The following USP7 variants were observed in gnomAD, a reference collection of about 807,000 sequenced individuals.
The protein encoded by USP7 is ubiquitin specific peptidase 7, also known as ubiquitin C-terminal hydrolase 7.
A neutral mutation model predicts 162.9 loss-of-function variants in USP7; 9 were observed. That is an observed-to-expected ratio of 0.06 (90% CI 0.03 to 0.10). USP7 has a LOEUF of 0.10. Among genes scored for constraint, USP7 ranks in the 10% least tolerant of loss-of-function variants. The probability of loss-of-function intolerance (pLI) is 1.00; values close to 1 mark genes in which losing one functional copy is unlikely to be tolerated. For missense variants in USP7, 715 were observed against 1,373.7 expected (o/e 0.52, Z 7.58); for synonymous variants, 562 against 475.9 (o/e 1.18, Z -2.35).
intron 1 of USP7, among the ~76,000 whole-genome samples, chr16:8,934,482 T>A (rs1204691669): frequency 6.6e-6 from 1 of 152,216 alleles, no homozygotes; most frequent in Non-Finnish European, 1.5e-5. Flanking sequence ...GGGAAATGCG[T>A]AAGCTCTACC....
intron 1 of USP7, among the ~76,000 whole-genome samples, chr16:8,950,686 T>C (rs1899508137): frequency 6.6e-6 from 1 of 152,200 alleles, no homozygotes; most frequent in African/African-American, 2.4e-5. Context: ...TCAGAAGCTG[T>C]ATGTGCCTGG....
chr16:8,952,876 G>A (rs1303180074), intron 1 of USP7, among the ~76,000 whole-genome samples: 5 of 150,272 alleles, frequency 3.3e-5, no homozygotes, highest in African/African-American at 7.4e-5. Flanking sequence ...TCTTGTTGTC[G>A]CCCAGGCTAG....
intron 2 of USP7, among the ~76,000 whole-genome samples, chr16:8,925,327 C>T (rs758633494): frequency 1.3e-5 from 2 of 152,186 alleles, no homozygotes; most frequent in Non-Finnish European, 2.9e-5. Flanking sequence ...TACTAGCTTG[C>T]CCGCTTTATG....
chr16:8,955,717 A>C (rs952370728), intron 1 of USP7, among the ~76,000 whole-genome samples: 27 of 151,694 alleles, frequency 1.8e-4, no homozygotes, highest in African/African-American at 6.3e-4. Flanking sequence ...AAAAAAAAAA[A>C]AAAAAAAAAC....
chr16:8,899,631 C>T lies in USP7; in HGVS notation c.2436G>A (p.Thr812=), dbSNP rs765786478. Residue 812 remains threonine (T), a synonymous_variant, in exon 22 of 31, where the codon ACG becomes ACA. Transcript: ENST00000344836. ...GAAAATAATTCATTCTATTTGATAA[C>T]GTAACCACAAATCCAGGATCATTAG... ...TIPNDPGFVV[T]LSNRMNYFQV... The T allele has an allele frequency of 1.8e-5, 29 of 1,614,074 alleles. No homozygotes were observed. Among genetic ancestry groups the T allele is most frequent in the African/African-American group, 9.3e-5 (7 of 74,940 alleles).
rs1486268665 is a variant in USP7, at chr16:8,947,752, G to A, written c.79+15455C>T. Among the ~76,000 whole-genome samples, 21 of 152,292 alleles carry A rather than the reference G, an allele frequency of 1.4e-4. No individual in the cohort carries two copies. In the South Asian group the frequency reaches 4.1e-3, roughly 30 times the overall value. ...GGTGAAGTCTTTTAGGACTTCGACAGGATCCTGCCATCAAAAACTTAGCTA... is the reference window on the plus strand; with the variant it reads ...GGTGAAGTCTTTTAGGACTTCGACAAGATCCTGCCATCAAAAACTTAGCTA... On this transcript the variant is annotated intron_variant, in intron 1 of 30. Coordinates refer to ENST00000344836, the MANE Select transcript of USP7 (RefSeq NM_003470.3).
chr16:8,933,635 A>C (rs1293941255), intron 1 of USP7, among the ~76,000 whole-genome samples: 1 of 152,086 alleles, frequency 6.6e-6, no homozygotes, highest in African/African-American at 2.4e-5. Context: ...TTTTTCCTCA[A>C]AGAGACAAGA....
At chr16:8,910,853 A>C (rs1465611963) in intron 10 of USP7, 26 bp from the exon 11 acceptor site, 1 of 1,582,874 alleles carries the variant, frequency 6.3e-7, no homozygotes, top group Non-Finnish European at 8.7e-7. Context: ...GAGAAAAGTC[A>C]AGTGCTAAAG....
intron 23 of USP7, 63 bp from the exon 24 acceptor site, chr16:8,898,702 G>A (rs1464010097): frequency 3.7e-6 from 5 of 1,369,184 alleles, no homozygotes; most frequent in Non-Finnish European, 5.0e-6. Flanking sequence ...AAATATCTGT[G>A]AGTGAGCATA....
chr16:8,896,075 G>A (rs576924488), intron 26 of USP7, among the ~76,000 whole-genome samples: 1 of 151,388 alleles, frequency 6.6e-6, no homozygotes, highest in South Asian at 2.1e-4. Context: ...TCCTGACCTC[G>A]TGATCCGCCC....
intron 1 of USP7, among the ~76,000 whole-genome samples, 158 bp from the exon 2 acceptor site, chr16:8,930,555 T>C (rs1332994889): frequency 6.6e-6 from 1 of 152,242 alleles, no homozygotes; most frequent in East Asian, 1.9e-4. Context: ...TTTATACTAA[T>C]GTTTACTACA....
chr16:8,935,288 G>T (rs1413990043), intron 1 of USP7, among the ~76,000 whole-genome samples: 1 of 149,564 alleles, frequency 6.7e-6, no homozygotes, highest in Non-Finnish European at 1.5e-5. Flanking sequence ...GGAAACTCCT[G>T]GGTTAGAGCC....
intron 15 of USP7, 22 bp from the exon 16 acceptor site, chr16:8,903,424 C>T: frequency 6.2e-7 from 1 of 1,607,676 alleles, no homozygotes; most frequent in Non-Finnish European, 8.5e-7. Context: ...TATGAAAGCA[C>T]AGAAAAGACT....
At chr16:8,896,056 G>T (rs941659685) in intron 26 of USP7, among the ~76,000 whole-genome samples, 3 of 151,666 alleles carry the variant, frequency 2.0e-5, no homozygotes, top group African/African-American at 7.3e-5. Context: ...AGCCAGGATG[G>T]TCTCGAACTC....
chr16:8,900,919 A>C, intron 20 of USP7, 71 bp downstream of exon 20: 4 of 1,509,638 alleles, frequency 2.6e-6, no homozygotes, highest in Non-Finnish European at 3.6e-6. Flanking sequence ...AATTCGGGGT[A>C]AAAAGAACAA....
At chr16:8,924,660 TAAC>T (rs965093110) in intron 2 of USP7, among the ~76,000 whole-genome samples, 7 of 152,258 alleles carry the variant, frequency 4.6e-5, no homozygotes, top group African/African-American at 1.7e-4. Context: ...CAAAGTTCAC[TAAC>T]AACTGAGTTC....
chr16:8,933,296 A>T (rs1898478135), intron 1 of USP7, among the ~76,000 whole-genome samples: 1 of 152,178 alleles, frequency 6.6e-6, no homozygotes, highest in Non-Finnish European at 1.5e-5. Flanking sequence ...ATATAATCCC[A>T]GCACTTGTGG....
At chr16:8,926,554 C>G (rs1898009461) in intron 2 of USP7, among the ~76,000 whole-genome samples, 1 of 152,132 alleles carries the variant, frequency 6.6e-6, no homozygotes, top group South Asian at 2.1e-4. Context: ...ACAGATACGG[C>G]CAGCCAGATT....
intron 1 of USP7, among the ~76,000 whole-genome samples, chr16:8,958,591 C>T (rs77809369): frequency 0.047 from 7,085 of 152,284 alleles, 225 homozygotes; most frequent in Middle Eastern, 0.14. Flanking sequence ...CCAAACGGGC[C>T]TGGCAACAGG....
Sources: allele counts gnomAD v4.1 joint callset (sites outside exome capture counted in the v4.1 genomes callset), GRCh38; gene constraint gnomAD v4.1.1; transcripts MANE v1.5; gene names NCBI Gene and HGNC (gene_info 2026-07-23, HGNC 2026-07-21).